LRP1B: variants seen among roughly 807,000 people sequenced by gnomAD.
LRP1B encodes the protein LDL receptor related protein 1B.
LRP1B carries 217 observed loss-of-function variants against 556.6 expected under a neutral mutation model. The ratio of observed to expected loss-of-function variants is 0.39; its 90% confidence interval spans 0.35 to 0.44. LRP1B has a LOEUF of 0.44. Among genes scored for constraint, LRP1B ranks in the 20% least tolerant of loss-of-function variants. LRP1B has a pLI of 1.00. For synonymous variants in LRP1B, 2,047 were observed against 1,865.8 expected (o/e 1.10, Z -2.50); for missense variants, 5,053 against 5,620.8 (o/e 0.90, Z 3.23).
At chr2:141,424,648 T>C (rs912639941) in intron 3 of LRP1B, among the ~76,000 whole-genome samples, 2 of 152,234 alleles carry the variant, frequency 1.3e-5, no homozygotes, top group African/African-American at 4.8e-5. Context: ...AATGCTCCCA[T>C]ATTTTTCATT....
intron 7 of LRP1B, among the ~76,000 whole-genome samples, chr2:141,157,921 C>CA (rs1702108905): frequency 1.3e-5 from 2 of 152,028 alleles, no homozygotes; most frequent in African/African-American, 2.4e-5. Context: ...GAAGTCTGCA[C>CA]AAAAAATGTT....
At chr2:142,014,215 C>T (rs1703046509) in intron 1 of LRP1B, among the ~76,000 whole-genome samples, 1 of 140,186 alleles carries the variant, frequency 7.1e-6, no homozygotes, top group African/African-American at 3.3e-5. Flanking sequence ...ACTGTGGACT[C>T]GCCCTGAATC....
At chr2:141,693,124 T>C (rs963266516) in intron 2 of LRP1B, among the ~76,000 whole-genome samples, 6 of 152,098 alleles carry the variant, frequency 3.9e-5, no homozygotes, top group African/African-American at 1.4e-4. Flanking sequence ...TTGCTGCTTT[T>C]TCTGTCTTTA....
chr2:140,836,138 T>A (rs1691894567), intron 31 of LRP1B, among the ~76,000 whole-genome samples: 1 of 152,230 alleles, frequency 6.6e-6, no homozygotes, highest in Non-Finnish European at 1.5e-5. Flanking sequence ...TATGATTTAA[T>A]GTACTTTCTT....
intron 1 of LRP1B, among the ~76,000 whole-genome samples, chr2:141,843,566 A>C (rs953059449): frequency 1.3e-5 from 2 of 152,202 alleles, no homozygotes; most frequent in African/African-American, 4.8e-5. Flanking sequence ...ATGACTAAAA[A>C]TAACCTACAG....
chr2:140,380,562 T>C (rs988733855), intron 67 of LRP1B, among the ~76,000 whole-genome samples: 1 of 152,156 alleles, frequency 6.6e-6, no homozygotes, highest in Non-Finnish European at 1.5e-5. Flanking sequence ...AATTTTTTCA[T>C]GAAAAGAATA....
chr2:140,945,693 C>CA (rs201318401), intron 20 of LRP1B, among the ~76,000 whole-genome samples: 3,519 of 149,534 alleles, frequency 0.024, 45 homozygotes, highest in Non-Finnish European at 0.027. Context: ...TTACTATATA[C>CA]AAAAAAAAAT....
chr2:141,254,435 A>G lies in LRP1B; in HGVS notation c.463+87T>C, dbSNP rs112053302. 17 of 1,322,352 alleles carry G rather than the reference A, an allele frequency of 1.3e-5. No individual in the cohort carries two copies. The African/African-American group carries it at 1.6e-4, about 12-fold the overall frequency. 81.9% of individuals were successfully genotyped at this position (1,322,352 alleles called of 1,614,324 possible). Reference sequence around the variant, plus strand: ...AGTTAACATAAACACTGTAGAGCACATGGTAGGTGCTCAAAGATGTCTGCT... The same window carrying G: ...AGTTAACATAAACACTGTAGAGCACGTGGTAGGTGCTCAAAGATGTCTGCT... On this transcript the variant is annotated intron_variant, in intron 4 of 90. Coordinates refer to ENST00000389484, the MANE Select transcript of LRP1B (RefSeq NM_018557.3).
At chr2:140,280,058 G>C (rs1020471714) in intron 84 of LRP1B, among the ~76,000 whole-genome samples, 1 of 151,690 alleles carries the variant, frequency 6.6e-6, no homozygotes, top group Admixed American at 6.6e-5. Context: ...CTTTTGCTAA[G>C]TGAAATGTTA....
At chr2:140,953,756 A>AT (rs1371422455) in intron 18 of LRP1B, among the ~76,000 whole-genome samples, 1 of 152,180 alleles carries the variant, frequency 6.6e-6, no homozygotes, top group Non-Finnish European at 1.5e-5. Flanking sequence ...AAATGGACTA[A>AT]TTATGTCCAA....
At chr2:141,120,018 G>A (rs1701005979) in intron 7 of LRP1B, among the ~76,000 whole-genome samples, 1 of 151,868 alleles carries the variant, frequency 6.6e-6, no homozygotes, top group South Asian at 2.1e-4. Context: ...ATAAAAGCTG[G>A]TAGGAAATGC....
chr2:140,618,122 G>T (rs1186609231), intron 41 of LRP1B, among the ~76,000 whole-genome samples: 1 of 151,814 alleles, frequency 6.6e-6, no homozygotes, highest in Non-Finnish European at 1.5e-5. Flanking sequence ...GATGTTAAAA[G>T]ATTTACAGTC....
At chr2:140,344,723 T>C (rs1384608402) in intron 77 of LRP1B, among the ~76,000 whole-genome samples, 3 of 151,708 alleles carry the variant, frequency 2.0e-5, no homozygotes, top group African/African-American at 7.3e-5. Flanking sequence ...AAGTAAGCAG[T>C]TGGACAGGGG....
intron 18 of LRP1B, among the ~76,000 whole-genome samples, chr2:140,973,991 T>C (rs546072868): frequency 4.6e-5 from 7 of 152,246 alleles, no homozygotes; most frequent in African/African-American, 1.7e-4. Flanking sequence ...CCTACAAACA[T>C]AGTCATGTAA....
chr2:141,461,700 A>C (rs1573970521), intron 3 of LRP1B, among the ~76,000 whole-genome samples: 1 of 152,232 alleles, frequency 6.6e-6, no homozygotes, highest in Non-Finnish European at 1.5e-5. Context: ...TGAAAGTAGC[A>C]TAAATGTACA....
intron 3 of LRP1B, among the ~76,000 whole-genome samples, chr2:141,369,341 G>A (rs931412604): frequency 1.1e-4 from 16 of 152,026 alleles, no homozygotes; most frequent in Admixed American, 8.5e-4. Flanking sequence ...TAACATAGGT[G>A]AAAGAATTTT....
intron 41 of LRP1B, 24 bp from the exon 42 acceptor site, chr2:140,601,663 A>T (rs1370860917): frequency 6.6e-7 from 1 of 1,512,650 alleles, no homozygotes; most frequent in Admixed American, 1.9e-5. Flanking sequence ...AAAAAGAAAA[A>T]ATATATACTT....
At chr2:141,664,492 T>C (rs1690346812) in intron 2 of LRP1B, among the ~76,000 whole-genome samples, 1 of 152,192 alleles carries the variant, frequency 6.6e-6, no homozygotes, top group South Asian at 2.1e-4. Flanking sequence ...CTTTAGCTGA[T>C]TAGCAACTTC....
chr2:141,489,458 C>T (rs1683252864), intron 2 of LRP1B, among the ~76,000 whole-genome samples: 2 of 151,830 alleles, frequency 1.3e-5, no homozygotes, highest in Non-Finnish European at 2.9e-5. Context: ...GCTGAGAATT[C>T]AAAACAGTTA....
Sources: gnomAD v4.1 joint callset for allele counts (sites outside exome capture counted in the v4.1 genomes callset) on GRCh38, gnomAD v4.1.1 for gene constraint, MANE v1.5 for transcripts, NCBI Gene and HGNC (gene_info 2026-07-23, HGNC 2026-07-21) for gene names.